The following RASAL1 variants were observed in gnomAD, a reference collection of about 807,000 sequenced individuals.
RASAL1 encodes the protein RAS protein activator like 1.
A neutral mutation model predicts 96.6 loss-of-function variants in RASAL1; 72 were observed. The observed-to-expected ratio is 0.75, with a 90% CI of 0.62 to 0.91. The LOEUF (loss-of-function observed/expected upper bound fraction) is 0.91, where lower values mean the gene tolerates loss of function less well. RASAL1 is among the 40% of genes least tolerant of loss of function. The pLI is 0.00. For missense variants in RASAL1, 1,016 were observed against 1,072.5 expected (o/e 0.95, Z 0.74); for synonymous variants, 405 against 430.4 (o/e 0.94, Z 0.73).
chr12:113,130,256 C>T lies in RASAL1; in HGVS notation c.122+629G>A, dbSNP rs1349556345. On this transcript the variant is annotated intron_variant, in intron 2 of 20. Transcript: ENST00000548055. This position sits in a 1 kb window ranked among gnomAD's most constrained non-coding sequence, Gnocchi z 5.1. ...CCCCCTGCGAGACTCACTGACACCC[C>T]AAACATCCTCACACCTTCACATGTG... Among the ~76,000 whole-genome samples, 6 of 152,224 alleles carry T rather than the reference C, an allele frequency of 3.9e-5. No individual in the cohort carries two copies. Among genetic ancestry groups the T allele is most frequent in the Admixed American group, 2.0e-4 (3 of 15,286 alleles).
At chr12:113,127,633 G>C (rs1235263692) in intron 4 of RASAL1, among the ~76,000 whole-genome samples, 179 bp downstream of exon 4, 1 of 152,168 alleles carries the variant, frequency 6.6e-6, no homozygotes, top group Non-Finnish European at 1.5e-5. Context: ...CTGGGTGACA[G>C]AGCAAGACCT....
At position 113,099,883 on chromosome 12, in the gene RASAL1, G is replaced by A. The variant is rs781389743; in HGVS notation, c.*46C>T. ...CCCGGGGCAGGATGCGCTGAAGAGG[G>A]CCCCCTGGCTCTTGCTCCTCCTTCC... On this transcript the variant is annotated 3_prime_UTR_variant, in exon 21 of 21. Transcript: ENST00000548055. The A allele has an allele frequency of 1.3e-6, 2 of 1,577,834 alleles. No individual in the cohort carries two copies. Among genetic ancestry groups the A allele is most frequent in the South Asian group, 2.3e-5 (2 of 87,602 alleles).
At chr12:113,131,016 A>T in intron 1 of RASAL1, 75 bp from the exon 2 acceptor site, 1 of 1,145,850 alleles carries the variant, frequency 8.7e-7, no homozygotes, top group Non-Finnish European at 1.3e-6. Flanking sequence ...GTCATGACAC[A>T]GGCAGGGGAG....
At chr12:113,112,355 G>T in intron 12 of RASAL1, 77 bp from the exon 13 acceptor site, 1 of 1,143,998 alleles carries the variant, frequency 8.7e-7, no homozygotes, top group Non-Finnish European at 1.1e-6. Context: ...GCCCCGCTGA[G>T]CTCCGAGAGG....
chr12:113,114,681 G>A (rs940049706), intron 12 of RASAL1, 119 bp downstream of exon 12: 6 of 788,220 alleles, frequency 7.6e-6, no homozygotes, highest in Non-Finnish European at 1.3e-5. Context: ...CAGCCACCGA[G>A]CTCCTGAGCA....
chr12:113,115,728 C>A lies in RASAL1; in HGVS notation c.910G>T (p.Asp304Tyr). Residue 304 changes from aspartate (D) to tyrosine (Y), a missense_variant, in exon 10 of 21, where the codon GAC (aspartate) becomes TAC (tyrosine). Asp to Tyr is a radical substitution (Grantham distance 160, BLOSUM62 -3). Transcript: ENST00000548055. This position sits in a 1 kb window ranked among gnomAD's most constrained non-coding sequence, Gnocchi z 4.1. ...EELTLGDCRQ[D>Y]LATKLVKLFL... is the part of the protein sequence containing the mutation. ...AGTTTCACCAGCTTGGTGGCAAGGT[C>A]CTGGCGGCAGTCCCCCAAGGTCAGC... 1 of 1,614,190 alleles carries A rather than the reference C, an allele frequency of 6.2e-7. No homozygotes were observed. Among genetic ancestry groups the A allele is most frequent in the Non-Finnish European group, 8.5e-7 (1 of 1,180,032 alleles).
intron 8 of RASAL1, 99 bp downstream of exon 8, chr12:113,116,974 T>C: frequency 5.7e-6 from 5 of 882,942 alleles, no homozygotes; most frequent in Non-Finnish European, 8.5e-6. Flanking sequence ...TGAAGTGGCA[T>C]AGTGATAATG....
intron 4 of RASAL1, among the ~76,000 whole-genome samples, chr12:113,124,654 G>T (rs573665668): frequency 6.6e-6 from 1 of 152,340 alleles, no homozygotes; most frequent in African/African-American, 2.4e-5. Flanking sequence ...GAAGGGGGAA[G>T]TCACCTCCCC....
Position 113,117,029 on chromosome 12 carries a change from G to A in RASAL1, c.731+44C>T, listed in dbSNP as rs373447601. 3.8e-5 allele frequency: 55 copies of A among 1,460,960 alleles called. 1 individual carries two copies. The highest frequency in any genetic ancestry group is 1.5e-4 in the South Asian group (12 of 80,128). 90.5% of individuals were successfully genotyped at this position (1,460,960 alleles called of 1,614,324 possible). On this transcript the variant is annotated intron_variant, in intron 8 of 20. Coordinates refer to ENST00000548055, the MANE Select transcript of RASAL1 (RefSeq NM_001301202.2). ...TGCCCGCAAGCTGTGGATGCTGCCC[G>A]GCATGGCTCCAGCCTGGCCCCCTCC...
Position 113,105,745 on chromosome 12 carries a change from G to A in RASAL1, c.1799C>T (p.Thr600Ile). ...CTCAGGACTCTTGGAGAAGGAGAGG[G>A]TCTCCCCGCTGAGCCAGACGTAGCG... ...KKRYVWLSGE[T>I]LSFSKSPEWQ... The change falls in exon 16 of 21, where the codon ACC (threonine) becomes ATC (isoleucine). Residue 600 changes from threonine (T) to isoleucine (I), a missense_variant. Transcript: ENST00000548055. 1 of 1,612,880 alleles carries A rather than the reference G, an allele frequency of 6.2e-7. No homozygotes were observed. The highest frequency in any genetic ancestry group is 8.5e-7 in the Non-Finnish European group (1 of 1,179,168).
At chr12:113,131,026 G>T in intron 1 of RASAL1, 85 bp from the exon 2 acceptor site, 1 of 1,027,068 alleles carries the variant, frequency 9.7e-7, no homozygotes, top group Non-Finnish European at 1.5e-6. Context: ...AGGCAGGGGA[G>T]TCGGAGGCAC....
At chr12:113,100,130 G>A (rs1950389581) in intron 20 of RASAL1, 62 bp from the exon 21 acceptor site, 2 of 1,481,072 alleles carry the variant, frequency 1.4e-6, no homozygotes, top group Non-Finnish European at 1.8e-6. Flanking sequence ...CTGTAACCCG[G>A]ACCCAATGGT....
chr12:113,108,689 C>T (rs1241025509), intron 13 of RASAL1, among the ~76,000 whole-genome samples: 1 of 152,186 alleles, frequency 6.6e-6, no homozygotes, highest in Admixed American at 6.5e-5. Flanking sequence ...TAATACTCAA[C>T]CCAGGAAGGA....
At chr12:113,128,938 GACAC>G (rs1159102678) in intron 2 of RASAL1, among the ~76,000 whole-genome samples, 5 of 149,996 alleles carry the variant, frequency 3.3e-5, no homozygotes, top group East Asian at 2.0e-4. Context: ...TACACATAGA[GACAC>G]ACACACAGTC....
At chr12:113,117,307 C>T (rs953804972) in intron 7 of RASAL1, 146 bp from the exon 8 acceptor site, 12 of 538,778 alleles carry the variant, frequency 2.2e-5, no homozygotes, top group Admixed American at 8.0e-5. Context: ...TTCTCTCCTA[C>T]AAGTCCCAAA....
chr12:113,128,352 C>A (rs1951574830), intron 2 of RASAL1, among the ~76,000 whole-genome samples, 174 bp from the exon 3 acceptor site: 1 of 151,242 alleles, frequency 6.6e-6, no homozygotes, highest in Admixed American at 6.6e-5. Context: ...CACACACACA[C>A]ACCCAAGGAC....
intron 19 of RASAL1, among the ~76,000 whole-genome samples, chr12:113,100,923 C>T (rs902581751): frequency 1.3e-5 from 2 of 152,178 alleles, no homozygotes; most frequent in African/African-American, 4.8e-5. Flanking sequence ...ACTATTAGCT[C>T]CATTATACAG....
At chr12:113,122,491 T>C (rs1010442560) in intron 4 of RASAL1, among the ~76,000 whole-genome samples, 3 of 152,106 alleles carry the variant, frequency 2.0e-5, no homozygotes, top group Non-Finnish European at 4.4e-5. Flanking sequence ...AGCTAGCTAA[T>C]TTTTTGTGTT....
upstream of RASAL1, among the ~76,000 whole-genome samples, chr12:113,136,691 A>G (rs1951926893): frequency 6.6e-6 from 1 of 152,258 alleles, no homozygotes; most frequent in Admixed American, 6.5e-5. Flanking sequence ...GGATTTTGAA[A>G]GAATTAAAAG....
Sources: gnomAD v4.1 joint callset for allele counts (sites outside exome capture counted in the v4.1 genomes callset) on GRCh38, gnomAD v4.1.1 for gene constraint, Gnocchi (gnomAD v3.1) non-coding constraint, MANE v1.5 for transcripts, NCBI Gene and HGNC (gene_info 2026-07-23, HGNC 2026-07-21) for gene names.